Variants in DNAJC2 observed in about 807,000 individuals in gnomAD.
The protein encoded by DNAJC2 is dnaJ homolog subfamily C member 2.
A neutral mutation model predicts 94.0 loss-of-function variants in DNAJC2; 32 were observed. That is an observed-to-expected ratio of 0.34 (90% CI 0.26 to 0.46). The LOEUF (loss-of-function observed/expected upper bound fraction) is 0.46, where lower values mean the gene tolerates loss of function less well. DNAJC2 is among the 20% of genes least tolerant of loss of function. The pLI, the probability that DNAJC2 is intolerant of heterozygous loss-of-function variation, is 1.00. For missense variants in DNAJC2, 550 were observed against 719.5 expected, an observed-to-expected ratio of 0.76 and a Z score of 2.69; for synonymous variants, 210 against 229.7, an observed-to-expected ratio of 0.91 and a Z score of 0.77.
intron 10 of DNAJC2, 65 bp downstream of exon 10, chr7:103,321,865 AAG>A (rs957057799): frequency 2.6e-6 from 4 of 1,529,548 alleles, no homozygotes; most frequent in South Asian, 1.2e-5. Flanking sequence ...AACAAACAAA[AAG>A]AAGTATTTTT....
intron 2 of DNAJC2, 34 bp downstream of exon 2, chr7:103,341,718 GTCTAACAAAGCA>G (rs763725778): frequency 2.1e-6 from 3 of 1,438,426 alleles, no homozygotes; most frequent in Non-Finnish European, 9.3e-7. Context: ...AATTGTCTAT[GTCTAACAAAGCA>G]TCTGACTGAA....
At chr7:103,317,249 C>CA in intron 12 of DNAJC2, 1 of 463,282 alleles carries the variant, frequency 2.2e-6, no homozygotes, top group Non-Finnish European at 3.8e-6. Context: ...TCCCAGTACT[C>CA]ATGTCATGTG....
intron 1 of DNAJC2, 147 bp downstream of exon 1, chr7:103,344,412 G>C (rs1586123488): frequency 2.5e-6 from 2 of 802,960 alleles, no homozygotes; most frequent in East Asian, 5.1e-5. Context: ...TTTAAAACAC[G>C]GAGCAAAAAG....
chr7:103,322,472 TA>T, intron 9 of DNAJC2, 38 bp downstream of exon 9: 1 of 1,399,456 alleles, frequency 7.1e-7, no homozygotes. Context: ...AAAGATTTCA[TA>T]AACATTTAAA....
chr7:103,333,402 C>CT (rs570934040), intron 3 of DNAJC2, among the ~76,000 whole-genome samples: 1 of 152,254 alleles, frequency 6.6e-6, no homozygotes, highest in South Asian at 2.1e-4. Flanking sequence ...GAAAAAAAGT[C>CT]TATTAGCATA....
At chr7:103,322,671 A>T in intron 8 of DNAJC2, 32 bp downstream of exon 8, 1 of 1,612,944 alleles carries the variant, frequency 6.2e-7, no homozygotes, top group Non-Finnish European at 8.5e-7. Context: ...TGAATTTCTA[A>T]CATTTAGGGG....
chr7:103,315,632 G>A, intron 15 of DNAJC2, 132 bp downstream of exon 15: 1 of 583,844 alleles, frequency 1.7e-6, no homozygotes, highest in Admixed American at 3.3e-5. Context: ...CCCTGGAAAT[G>A]TTTGCTTACA....
chr7:103,337,867 C>T, intron 2 of DNAJC2, 56 bp from the exon 3 acceptor site: 1 of 1,271,958 alleles, frequency 7.9e-7, no homozygotes, highest in Non-Finnish European at 1.1e-6. Flanking sequence ...TATATTCCAT[C>T]CCTTGTGTTC....
Position 103,316,850 on chromosome 7 carries a change from G to C in DNAJC2, c.1407C>G (p.Phe469Leu). The C allele has an allele frequency of 6.2e-7, 1 of 1,613,714 alleles. No individual in the cohort carries two copies. The highest frequency in any genetic ancestry group is 8.5e-7 in the Non-Finnish European group (1 of 1,179,942). The change falls in exon 13 of 17, where the codon TTC (phenylalanine) becomes TTG (leucine). Residue 469 changes from phenylalanine to leucine, a missense_variant. Physicochemically the swap from Phe to Leu is conservative, Grantham distance 22 (BLOSUM62 0). Around this residue, in one of 2 missense-constraint regions of DNAJC2, gnomAD observed 271 missense variants for 302.6 expected, o/e 0.90. Transcript: ENST00000379263. ...AGTACCTTGAATTTGTTCCAGCAGG[G>C]AACAGATTCACAGCTTTAATTAGTA... ...LQLLIKAVNL[F>L]PAGTNSRWEV...
At chr7:103,327,777 A>G (rs764604513) in intron 3 of DNAJC2, 23 bp from the exon 4 acceptor site, 25 of 1,539,896 alleles carry the variant, frequency 1.6e-5, no homozygotes, top group Non-Finnish European at 2.1e-5. Context: ...TCAGATTGAG[A>G]TAATTTGTCA....
intron 10 of DNAJC2, among the ~76,000 whole-genome samples, chr7:103,321,374 C>T: frequency 6.6e-6 from 1 of 151,640 alleles, no homozygotes; most frequent in East Asian, 1.9e-4. Flanking sequence ...AAAAATTAGC[C>T]AGGCGTGGTG....
Position 103,316,056 on chromosome 7 carries a change from T to C in DNAJC2, c.1460A>G (p.His487Arg), listed in dbSNP as rs778202569. 4.9e-5 allele frequency: 79 copies of C among 1,596,524 alleles called. No homozygotes were observed. The highest frequency in any genetic ancestry group is 6.4e-5 in the Non-Finnish European group (75 of 1,171,746). Residue 487 changes from histidine to arginine, a missense_variant, in exon 14 of 17, where the codon CAT (histidine) becomes CGT (arginine). Transcript: ENST00000379263. ...WEVIANYMNIHSSSGVKRTAK... is the reference protein window; with the variant it reads ...WEVIANYMNIRSSSGVKRTAK... Reference sequence around the variant, plus strand: ...AGTTCTTTTGACTCCAGAGGAAGAATGTATGTTCATGTAATTAGCAATAAC... The same window carrying C: ...AGTTCTTTTGACTCCAGAGGAAGAACGTATGTTCATGTAATTAGCAATAAC...
At chr7:103,338,359 C>T (rs1006774650) in intron 2 of DNAJC2, among the ~76,000 whole-genome samples, 1 of 149,508 alleles carries the variant, frequency 6.7e-6, no homozygotes, top group African/African-American at 2.5e-5. Context: ...TGCAGTGGTG[C>T]CATCTTGGCT....
chr7:103,338,628 C>A (rs144097405), intron 2 of DNAJC2, among the ~76,000 whole-genome samples: 234 of 152,080 alleles, frequency 1.5e-3, no homozygotes, highest in African/African-American at 5.3e-3. Flanking sequence ...AAAGAAGAGA[C>A]AGGCTGGGCA....
Position 103,312,557 on chromosome 7 carries a change from C to T in DNAJC2, c.*12G>A, listed in dbSNP as rs1338464221. 1.2e-6 allele frequency: 2 copies of T among 1,609,706 alleles called. No individual in the cohort carries two copies. Among genetic ancestry groups the T allele is most frequent in the African/African-American group, 2.7e-5 (2 of 74,816 alleles). On this transcript the variant is annotated 3_prime_UTR_variant, in exon 17 of 17. Coordinates refer to ENST00000379263, the MANE Select transcript of DNAJC2 (RefSeq NM_014377.3). Reference sequence around the variant, plus strand: ...CAGTTTTATTATAAAAATGCACACACAACAAAGATTGTCATTTCTTGGCTC... The same window carrying T: ...CAGTTTTATTATAAAAATGCACACATAACAAAGATTGTCATTTCTTGGCTC...
In DNAJC2 at chr7:103,322,095, G is replaced by A. The variant is rs1818451699; in HGVS notation, c.934-14C>T. ...AGCTTGTCTTTGCTTTAAAAAAAGG[G>A]AGTAAAATCATTTTAATAGGTACAG... On this transcript the variant is annotated splice_polypyrimidine_tract_variant and intron_variant, in intron 9 of 16. Transcript: ENST00000379263. 6.3e-7 allele frequency: 1 copy of A among 1,587,630 alleles called. No individual in the cohort carries two copies. The highest frequency in any genetic ancestry group is 8.6e-7 in the Non-Finnish European group (1 of 1,168,358).
rs780809799 is a variant in DNAJC2, at chr7:103,312,950, G to C, written c.1788C>G (p.Tyr596Ter). ...GRTKKDCMKRYKELVEMVKAK... is the reference protein window; with the variant it reads ...GRTKKDCMKR ...TATAAACGCTTAAGTCTGCAACCTT[G>C]TATCGTTTCATGCAGTCCTTCTTTG... is the stretch of plus-strand genomic sequence containing the variant. Residue 596 changes from tyrosine to a stop codon, truncating the protein, a stop_gained, in exon 16 of 17, where the codon TAC (tyrosine) becomes TAG (stop). Coordinates refer to ENST00000379263, the MANE Select transcript of DNAJC2 (RefSeq NM_014377.3). LOFTEE classifies it high-confidence loss of function. 6.2e-7 allele frequency: 1 copy of C among 1,610,574 alleles called. No individual in the cohort carries two copies. The highest frequency in any genetic ancestry group is 1.3e-5 in the African/African-American group (1 of 74,558).
At position 103,322,653 on chromosome 7, in the gene DNAJC2, T is replaced by C. The variant is rs770751109; in HGVS notation, c.812-21A>G. 8.7e-6 allele frequency: 14 copies of C among 1,612,994 alleles called. No homozygotes were observed. In the African/African-American group the frequency reaches 9.4e-5, roughly 11 times the overall value. On this transcript the variant is annotated intron_variant, in intron 8 of 16. Transcript: ENST00000379263. ...ATTGTCTAGCAAAAGAAAAAGTTAATCTCATTTTGAATTTCTAACATTTAG... is the reference window on the plus strand; with the variant it reads ...ATTGTCTAGCAAAAGAAAAAGTTAACCTCATTTTGAATTTCTAACATTTAG...
At chr7:103,321,229 T>A (rs953082249) in intron 10 of DNAJC2, among the ~76,000 whole-genome samples, 2 of 151,722 alleles carry the variant, frequency 1.3e-5, no homozygotes, top group Non-Finnish European at 2.9e-5. Flanking sequence ...TTAGAAAAAG[T>A]TTTTTTGGCT....
Sources: allele counts gnomAD v4.1 joint callset (sites outside exome capture counted in the v4.1 genomes callset), GRCh38; gene constraint gnomAD v4.1.1; regional missense constraint gnomAD v4.1.1; transcripts MANE v1.5; gene names NCBI Gene and HGNC (gene_info 2026-07-23, HGNC 2026-07-21).